The following METTL2A variants were observed in gnomAD, a reference collection of about 807,000 sequenced individuals.
METTL2A encodes the protein methyltransferase 2A, tRNA N3-cytidine.
In METTL2A, 45 loss-of-function variants were observed where a neutral mutation model predicts 49.4. The ratio of observed to expected loss-of-function variants is 0.91; its 90% CI spans 0.72 to 1.17. METTL2A has a LOEUF of 1.17. Ranked by LOEUF, METTL2A falls within the 50% of genes most tolerant of loss-of-function variation. The probability of loss-of-function intolerance (pLI) is 0.00; values close to 1 mark genes in which losing one functional copy is unlikely to be tolerated. For missense variants in METTL2A, 361 were observed against 462.2 expected (o/e 0.78, Z 2.01); for synonymous variants, 118 against 167.5 (o/e 0.70, Z 2.28).
chr17:62,423,986 G>A lies in METTL2A; in HGVS notation c.84G>A (p.Pro28=). ...TCGGAAGCCGGTTCCTGAGAGATCC[G>A]GCGCGCGTCTTCCACCACAATGCCT... ...QQFGSRFLRD[P]ARVFHHNAWD... is the part of the protein sequence containing the mutation. The change falls in exon 1 of 9, where the codon CCG becomes CCA. Residue 28 remains proline, a synonymous_variant. Transcript: ENST00000311506. The A allele has an allele frequency of 2.5e-6, 4 of 1,613,946 alleles. No homozygotes were observed. Among genetic ancestry groups the A allele is most frequent in the Non-Finnish European group, 3.4e-6 (4 of 1,179,992 alleles).
rs753377429 is a variant in METTL2A, at chr17:62,447,720, T to G, written c.936T>G (p.Asn312Lys). The G allele has an allele frequency of 1.1e-5, 17 of 1,614,062 alleles. No individual in the cohort carries two copies. The highest frequency in any genetic ancestry group is 1.4e-5 in the Non-Finnish European group (16 of 1,180,024). The change falls in exon 8 of 9, where the codon AAT becomes AAG. Residue 312 changes from asparagine to lysine, a missense_variant. Physicochemically the swap from Asn to Lys is moderately conservative, Grantham distance 94 (BLOSUM62 0). Transcript: ENST00000311506. ...RFKKGQCLSG[N>K]FYVRGDGTRV... ...CTGCAGGTCAGTGTCTATCTGGAAA[T>G]TTCTACGTGAGAGGTGATGGAACCA...
intron 5 of METTL2A, among the ~76,000 whole-genome samples, 194 bp from the exon 6 acceptor site, chr17:62,440,423 A>G (rs1268880782): frequency 1.3e-5 from 2 of 152,216 alleles, no homozygotes; most frequent in Admixed American, 6.5e-5. Context: ...AAGTGATCCT[A>G]TCGCGTGAAC....
In METTL2A at chr17:62,448,636, C is replaced by T. The variant is rs559490919; in HGVS notation, c.1044C>T (p.Arg348=). The T allele has an allele frequency of 6.2e-7, 1 of 1,614,200 alleles. No homozygotes were observed. Among genetic ancestry groups the T allele is most frequent in the South Asian group, 1.1e-5 (1 of 91,086 alleles). ...GLEKVQNLVD[R]RLQVNRGKQL... ...AAAAAGTTCAGAACCTGGTGGATCG[C>T]CGACTGCAGGTGAACCGAGGAAAGC... The change falls in exon 9 of 9, where the codon CGC becomes CGT. Residue 348 remains arginine, a synonymous_variant. Transcript: ENST00000311506.
At chr17:62,443,467 A>G (rs2070749623) in intron 6 of METTL2A, among the ~76,000 whole-genome samples, 1 of 152,186 alleles carries the variant, frequency 6.6e-6, no homozygotes, top group Non-Finnish European at 1.5e-5. Context: ...TTTAAAATTC[A>G]AGCCAGACAC....
chr17:62,441,914 T>C (rs1184909390), intron 6 of METTL2A, among the ~76,000 whole-genome samples: 1 of 149,048 alleles, frequency 6.7e-6, no homozygotes, highest in East Asian at 2.0e-4. Context: ...CTAATTTTTG[T>C]ATTTTTTTTT....
At chr17:62,427,682 A>C in intron 3 of METTL2A, 106 bp from the exon 4 acceptor site, 1 of 1,548,346 alleles carries the variant, frequency 6.5e-7, no homozygotes, top group Non-Finnish European at 8.7e-7. Context: ...ACCTTCCCTA[A>C]TACAGTTAGG....
rs2070804376 is a variant in METTL2A, at chr17:62,451,296, G to A, written c.*2567G>A. Among the ~76,000 whole-genome samples, 1 of 151,764 alleles carries A rather than the reference G, an allele frequency of 6.6e-6. No homozygotes were observed. Among genetic ancestry groups the A allele is most frequent in the Non-Finnish European group, 1.5e-5 (1 of 67,900 alleles). On this transcript the variant is annotated 3_prime_UTR_variant, in exon 9 of 9. Coordinates refer to ENST00000311506, the MANE Select transcript of METTL2A (RefSeq NM_181725.4). ...CAAGTAGCTGGAATTACAGGCATGT[G>A]CCACCATTCCCGGCTAATTTTTTGT...
chr17:62,438,948 G>A (rs554405520), intron 5 of METTL2A, among the ~76,000 whole-genome samples: 1 of 150,054 alleles, frequency 6.7e-6, no homozygotes, highest in East Asian at 2.0e-4. Context: ...CTGGGACTAT[G>A]GGCACATGCC....
Position 62,447,773 on chromosome 17 carries a change from A to G in METTL2A, c.982+7A>G, listed in dbSNP as rs2070779029. 1 of 1,614,032 alleles carries G rather than the reference A, an allele frequency of 6.2e-7. No individual in the cohort carries two copies. Among genetic ancestry groups the G allele is most frequent in the African/African-American group, 1.3e-5 (1 of 74,942 alleles). Reference sequence around the variant, plus strand: ...GTTTACTTCTTCACACAAGGTATGAAACACCCATCTTTTTACACTAAAAGT... The same window carrying G: ...GTTTACTTCTTCACACAAGGTATGAGACACCCATCTTTTTACACTAAAAGT... On this transcript the variant is annotated splice_region_variant and intron_variant, in intron 8 of 8. Coordinates refer to ENST00000311506, the MANE Select transcript of METTL2A (RefSeq NM_181725.4).
chr17:62,424,361 C>T lies in METTL2A; in HGVS notation c.202+51C>T, dbSNP rs1435463031. 10 of 1,609,128 alleles carry T rather than the reference C, an allele frequency of 6.2e-6. No individual in the cohort carries two copies. In the South Asian group the frequency reaches 8.9e-5, roughly 14 times the overall value. ...TATCAACAGCCAGCGTACTGCCGAA[C>T]GCGCCCTCCCGGAGAGGCCAGGGAA... On this transcript the variant is annotated intron_variant, in intron 2 of 8. Transcript: ENST00000311506.
intron 6 of METTL2A, among the ~76,000 whole-genome samples, chr17:62,442,657 C>T (rs2070745012): frequency 6.6e-6 from 1 of 152,170 alleles, no homozygotes; most frequent in African/African-American, 2.4e-5. Context: ...CATGGAAGCC[C>T]TTGGCACTGC....
At position 62,437,179 on chromosome 17, in the gene METTL2A, C is replaced by T. The variant is rs528310431; in HGVS notation, c.669+1887C>T. Among the ~76,000 whole-genome samples the T allele has an allele frequency of 2.0e-5, 3 of 148,784 alleles. No homozygotes were observed. The Admixed American group carries it at 2.0e-4, about 10-fold the overall frequency. ...TGAGACAGGGTCTCACTGTGTTGCC[C>T]AGGCTGAAGTAGAGTGACACAATCA... On this transcript the variant is annotated intron_variant, in intron 5 of 8. Coordinates refer to ENST00000311506, the MANE Select transcript of METTL2A (RefSeq NM_181725.4).
chr17:62,432,175 A>G (rs1307955914), intron 4 of METTL2A, among the ~76,000 whole-genome samples: 1 of 152,082 alleles, frequency 6.6e-6, no homozygotes, highest in Non-Finnish European at 1.5e-5. Context: ...AGCAACCACT[A>G]CTCTACAAAT....
chr17:62,449,097 CT>C lies in METTL2A; in HGVS notation c.*370del, dbSNP rs1463073556. ...TTCTTTCTTTGAGATCTCAATCTGT[CT>C]TAGCATTTTGTAACTAATAACTGAA... On this transcript the variant is annotated 3_prime_UTR_variant, in exon 9 of 9. Transcript: ENST00000311506. The C allele has an allele frequency of 4.0e-6, 1 of 248,490 alleles. No homozygotes were observed. The highest frequency in any genetic ancestry group is 7.8e-6 in the Non-Finnish European group (1 of 127,932). The allele number at this position is 248,490 out of a possible 1,614,324, so 15.4% of individuals were successfully genotyped here. A position where few individuals can be genotyped will look rare whatever the true frequency, so the allele number is the denominator to read the frequency against.
chr17:62,425,010 C>T (rs1444437788), intron 2 of METTL2A, among the ~76,000 whole-genome samples: 1 of 149,504 alleles, frequency 6.7e-6, no homozygotes. Context: ...CATATTTTGA[C>T]AGCAACTAGA....
intron 4 of METTL2A, among the ~76,000 whole-genome samples, chr17:62,434,378 A>G (rs902553937): frequency 1.3e-5 from 2 of 152,160 alleles, no homozygotes; most frequent in African/African-American, 4.8e-5. Flanking sequence ...AGCAGAGCCC[A>G]TGCCTTTGAG....
chr17:62,426,268 G>A (rs2070625545), intron 2 of METTL2A, 31 bp from the exon 3 acceptor site: 1 of 1,533,838 alleles, frequency 6.5e-7, no homozygotes, highest in African/African-American at 1.4e-5. Context: ...TTGAGAGCTG[G>A]TTCTTAAAAT....
intron 4 of METTL2A, among the ~76,000 whole-genome samples, chr17:62,430,326 T>G (rs2070656128): frequency 1.3e-5 from 2 of 152,340 alleles, no homozygotes; most frequent in African/African-American, 4.8e-5. Context: ...TAAAATAATG[T>G]AGATGGCATC....
intron 4 of METTL2A, among the ~76,000 whole-genome samples, chr17:62,433,898 C>T (rs2070682903): frequency 6.6e-6 from 1 of 152,070 alleles, no homozygotes; most frequent in African/African-American, 2.4e-5. Flanking sequence ...CCCGTCTCTA[C>T]TAAAAATACA....
Sources: allele counts gnomAD v4.1 joint callset (sites outside exome capture counted in the v4.1 genomes callset), GRCh38; gene constraint gnomAD v4.1.1; transcripts MANE v1.5; gene names NCBI Gene and HGNC (gene_info 2026-07-23, HGNC 2026-07-21).